SLC8A1: variants seen among roughly 807,000 people sequenced by gnomAD.
The protein encoded by SLC8A1 is solute carrier family 8 member A1, also known as sodium/calcium exchanger 1.
Under a neutral mutation model 68.3 loss-of-function variants are expected in SLC8A1, and 18 were observed. The observed-to-expected ratio is 0.26, with a 90% CI of 0.18 to 0.39. The LOEUF (loss-of-function observed/expected upper bound fraction) is 0.39. Ranked by LOEUF, SLC8A1 falls within the 10% of genes least tolerant of loss-of-function variation. The pLI is 1.00. For synonymous variants in SLC8A1, 475 were observed against 415.5 expected, an observed-to-expected ratio of 1.14 and a Z score of -1.74; for missense variants, 985 against 1,156.7, an observed-to-expected ratio of 0.85 and a Z score of 2.15.
At chr2:40,286,294 G>C (rs1282900118) in intron 2 of SLC8A1, among the ~76,000 whole-genome samples, 1 of 152,116 alleles carries the variant, frequency 6.6e-6, no homozygotes, top group African/African-American at 2.4e-5. Flanking sequence ...CTGTTCAGCT[G>C]TTCCTTATTC....
chr2:40,378,735 A>C (rs1477286446), intron 2 of SLC8A1, among the ~76,000 whole-genome samples: 2 of 152,134 alleles, frequency 1.3e-5, no homozygotes, highest in African/African-American at 4.8e-5. Context: ...GAAAGAATTC[A>C]GCCAGGTATC....
chr2:40,331,261 T>C (rs2076377290), intron 2 of SLC8A1, among the ~76,000 whole-genome samples: 1 of 152,188 alleles, frequency 6.6e-6, no homozygotes, highest in Non-Finnish European at 1.5e-5. Context: ...ACTATTGTCA[T>C]TATTTATTAC....
At chr2:40,394,780 A>C (rs997298740) in intron 2 of SLC8A1, among the ~76,000 whole-genome samples, 1 of 152,048 alleles carries the variant, frequency 6.6e-6, no homozygotes, top group Admixed American at 6.6e-5. Context: ...TTCCTGCCAA[A>C]AAGGAACATA....
intron 2 of SLC8A1, among the ~76,000 whole-genome samples, chr2:40,315,422 A>G (rs565555886): frequency 2.0e-5 from 3 of 147,564 alleles, no homozygotes; most frequent in Non-Finnish European, 4.5e-5. Flanking sequence ...GTAAATAACC[A>G]TTTTCTTTCC....
At chr2:40,225,772 G>GC (rs1471513198) in intron 2 of SLC8A1, among the ~76,000 whole-genome samples, 1 of 152,088 alleles carries the variant, frequency 6.6e-6, no homozygotes, top group Non-Finnish European at 1.5e-5. Flanking sequence ...GTTGCCTTTT[G>GC]GTGACACCAC....
exon 8 of SLC8A1, chr2:40,097,786 T>G (rs867663070): frequency 6.6e-6 from 1 of 152,034 alleles, no homozygotes; most frequent in Non-Finnish European, 1.5e-5. Context: ...CTTTAAAAAT[T>G]GTTTTTCACA....
intron 2 of SLC8A1, among the ~76,000 whole-genome samples, chr2:40,253,061 G>GTA (rs2063166020): frequency 1.4e-5 from 1 of 73,484 alleles, no homozygotes; most frequent in Admixed American, 1.8e-4. Context: ...ATATGTACAT[G>GTA]TATATACTAT....
chr2:40,281,049 T>G (rs2067440634), intron 2 of SLC8A1, among the ~76,000 whole-genome samples: 1 of 152,222 alleles, frequency 6.6e-6, no homozygotes, highest in Non-Finnish European at 1.5e-5. Context: ...TGTCTTGCAC[T>G]TATAACTTGC....
At chr2:40,394,189 T>A (rs189225854) in intron 2 of SLC8A1, among the ~76,000 whole-genome samples, 122 of 152,154 alleles carry the variant, frequency 8.0e-4, no homozygotes, top group African/African-American at 2.8e-3. Context: ...TGAGCTTAAG[T>A]TGAGAAACCC....
intron 2 of SLC8A1, among the ~76,000 whole-genome samples, chr2:40,350,220 G>A (rs987395860): frequency 1.3e-5 from 2 of 152,128 alleles, no homozygotes; most frequent in East Asian, 3.9e-4. Flanking sequence ...GGTGGCTCAT[G>A]CCTACAATCC....
chr2:40,228,323 G>C (rs188810238), intron 2 of SLC8A1, among the ~76,000 whole-genome samples: 3 of 152,304 alleles, frequency 2.0e-5, no homozygotes, highest in East Asian at 1.9e-4. Context: ...GCTTATGTAA[G>C]AATTCTTATA....
intron 1 of SLC8A1, among the ~76,000 whole-genome samples, chr2:40,458,767 C>G (rs1180436453): frequency 6.6e-6 from 1 of 152,100 alleles, no homozygotes; most frequent in Non-Finnish European, 1.5e-5. Flanking sequence ...TTATTTGGAC[C>G]AATTTGTGAC....
chr2:40,219,327 T>C (rs2057971647), intron 2 of SLC8A1, among the ~76,000 whole-genome samples: 1 of 152,194 alleles, frequency 6.6e-6, no homozygotes, highest in African/African-American at 2.4e-5. Flanking sequence ...TTACAAGGAG[T>C]AATTGTGGCA....
At chr2:40,391,412 G>C (rs2149600523) in intron 2 of SLC8A1, among the ~76,000 whole-genome samples, 1 of 152,112 alleles carries the variant, frequency 6.6e-6, no homozygotes, top group South Asian at 2.1e-4. Context: ...CTTTCTGGAA[G>C]CTCTAATCTC....
At chr2:40,293,796 A>G (rs1247671785) in intron 2 of SLC8A1, among the ~76,000 whole-genome samples, 3 of 152,176 alleles carry the variant, frequency 2.0e-5, no homozygotes, top group African/African-American at 7.2e-5. Context: ...TAGGGTATGT[A>G]GACTTATCTA....
At chr2:40,120,677 A>C (rs1337361588) in intron 7 of SLC8A1, 3 of 152,220 alleles carry the variant, frequency 2.0e-5, no homozygotes, top group Non-Finnish European at 4.4e-5. Context: ...GTGAAGAAGA[A>C]ATGACTTAAA....
chr2:40,304,890 G>C (rs1048980289), intron 2 of SLC8A1, among the ~76,000 whole-genome samples: 1 of 152,134 alleles, frequency 6.6e-6, no homozygotes, highest in Non-Finnish European at 1.5e-5. Context: ...AGGTGAACAT[G>C]GACTTCCGCT....
chr2:40,177,996 C>T lies in SLC8A1; in HGVS notation c.1809-141G>A, dbSNP rs2048776938. The stretch of plus-strand genomic sequence containing the variant: ...GGGCCTCCTGAAGTATGTAAAAGGG[C>T]ATCTTGGGTACTCTTGGCTGGCCCC... On this transcript the variant is annotated intron_variant, in intron 2 of 7. Coordinates refer to ENST00000406785, the Ensembl canonical transcript of SLC8A1. 6 of 635,136 alleles carry T rather than the reference C, an allele frequency of 9.4e-6. No homozygotes were observed. In the East Asian group the frequency reaches 1.4e-4, roughly 15 times the overall value. The allele number at this position is 635,136 out of a possible 1,614,324, so 39.3% of individuals were successfully genotyped here.
intron 2 of SLC8A1, among the ~76,000 whole-genome samples, chr2:40,194,184 CA>C (rs1296354447): frequency 6.6e-6 from 1 of 152,092 alleles, no homozygotes; most frequent in African/African-American, 2.4e-5. Flanking sequence ...TTATTTTTAT[CA>C]ACCGTGAGTA....
Sources: allele counts gnomAD v4.1 joint callset (sites outside exome capture counted in the v4.1 genomes callset), GRCh38; gene constraint gnomAD v4.1.1; transcripts MANE v1.5; gene names NCBI Gene and HGNC (gene_info 2026-07-23, HGNC 2026-07-21).